The following SH3BP4 variants were observed in gnomAD, a reference collection of about 807,000 sequenced individuals.
The protein encoded by SH3BP4 is SH3 domain binding protein 4, also known as SH3 domain-binding protein 4.
Under a neutral mutation model 65.5 loss-of-function variants are expected in SH3BP4, and 33 were observed. The observed-to-expected ratio is 0.50, with a 90% CI of 0.38 to 0.67. SH3BP4 has a LOEUF of 0.67. Among genes scored for constraint, SH3BP4 ranks in the 30% least tolerant of loss-of-function variants. The probability of loss-of-function intolerance (pLI) is 0.00; values close to 1 mark genes in which losing one functional copy is unlikely to be tolerated. For synonymous variants in SH3BP4, 552 were observed against 545.5 expected (o/e 1.01, Z -0.17); for missense variants, 1,134 against 1,261.4 (o/e 0.90, Z 1.53).
intron 1 of SH3BP4, among the ~76,000 whole-genome samples, chr2:234,989,430 TG>T (rs1693681080): frequency 6.6e-6 from 1 of 152,236 alleles, no homozygotes; most frequent in Admixed American, 6.5e-5. Context: ...GCTGGTCTCT[TG>T]GCAAACACTC....
In SH3BP4 at chr2:234,991,772, GTCCACTGAATCCA is replaced by G. The variant is rs1265339190; in HGVS notation, c.-206-3523_-206-3511del. Among the ~76,000 whole-genome samples the G allele has an allele frequency of 1.3e-5, 2 of 152,110 alleles. No individual in the cohort carries two copies. The highest frequency in any genetic ancestry group is 2.4e-5 in the African/African-American group (1 of 41,378). ...GAAGTGGAAAGGGGCCAGCGGTCTT[GTCCACTGAATCCA>G]TCCACTGGGACCTCCCGGACATGAC... On this transcript the variant is annotated intron_variant, in intron 1 of 5. Coordinates refer to ENST00000392011, the MANE Select transcript of SH3BP4 (RefSeq NM_014521.3). The surrounding 1 kb of genome is among the most constrained non-coding windows in gnomAD (Gnocchi z 4.2).
At chr2:234,957,156 G>A (rs1245160802) in intron 1 of SH3BP4, among the ~76,000 whole-genome samples, 1 of 152,060 alleles carries the variant, frequency 6.6e-6, no homozygotes, top group East Asian at 1.9e-4. Flanking sequence ...GAGTAGCTGG[G>A]ACAACAGGCA....
At position 235,033,989 on chromosome 2, in the gene SH3BP4, G is replaced by C. The variant is rs1446290559; in HGVS notation, c.-132-882G>C. ...AGCTCTAAGTACTGTGGCCAGCTGT[G>C]AAAGTGTCTGCCAGTTTCTCTTGGA... On this transcript the variant is annotated intron_variant, in intron 2 of 5. Transcript: ENST00000392011. This position sits in a 1 kb window ranked among gnomAD's most constrained non-coding sequence, Gnocchi z 5.7. Among the ~76,000 whole-genome samples, 1 of 152,142 alleles carries C rather than the reference G, an allele frequency of 6.6e-6. No homozygotes were observed. The highest frequency in any genetic ancestry group is 1.5e-5 in the Non-Finnish European group (1 of 68,020).
In SH3BP4 at chr2:234,976,033, T is replaced by C. The variant is rs552841065; in HGVS notation, c.-206-19270T>C. 6.6e-6 allele frequency among the ~76,000 whole-genome samples: 1 copy of C among 152,264 alleles called. No homozygotes were observed. The highest frequency in any genetic ancestry group is 1.5e-5 in the Non-Finnish European group (1 of 68,032). ...CTCGTCAGCCCCATAGAAACTGAGC[T>C]CTCCAAATTGAACGAGGACCCCAGA... On this transcript the variant is annotated intron_variant, in intron 1 of 5. Coordinates refer to ENST00000392011, the MANE Select transcript of SH3BP4 (RefSeq NM_014521.3). The surrounding 1 kb of genome is among the most constrained non-coding windows in gnomAD (Gnocchi z 4.7).
rs943539099 is a variant in SH3BP4 at position 235,026,853 on chromosome 2, C to T, written c.-132-8018C>T. Among the ~76,000 whole-genome samples, 4 of 152,120 alleles carry T rather than the reference C, an allele frequency of 2.6e-5. No individual in the cohort carries two copies. Among genetic ancestry groups the T allele is most frequent in the South Asian group, 4.2e-4 (2 of 4,818 alleles). ...GAGTCTGATCGGCTGGCGTGCCTGT[C>T]GGTGGCTGCCCATGCCTTCCGATGG... is the stretch of plus-strand genomic sequence containing the variant. On this transcript the variant is annotated intron_variant, in intron 2 of 5. Coordinates refer to ENST00000392011, the MANE Select transcript of SH3BP4 (RefSeq NM_014521.3). This position sits in a 1 kb window ranked among gnomAD's most constrained non-coding sequence, Gnocchi z 4.6.
rs1318839654 is a variant in SH3BP4 at position 234,997,673 on chromosome 2, G to A, written c.-133+2297G>A. Among the ~76,000 whole-genome samples, 2 of 152,190 alleles carry A rather than the reference G, an allele frequency of 1.3e-5. No homozygotes were observed. Among genetic ancestry groups the A allele is most frequent in the African/African-American group, 4.8e-5 (2 of 41,442 alleles). On this transcript the variant is annotated intron_variant, in intron 2 of 5. Transcript: ENST00000392011. The surrounding 1 kb of genome is among the most constrained non-coding windows in gnomAD (Gnocchi z 4.2). Reference sequence around the variant, plus strand: ...CCACTGTCCCACTGATGGCTGGGAAGGGTGAGCTCCAGCCCCCGGTGGCTT... The same window carrying A: ...CCACTGTCCCACTGATGGCTGGGAAAGGTGAGCTCCAGCCCCCGGTGGCTT...
At chr2:235,001,184 C>T (rs1263449012) in intron 2 of SH3BP4, among the ~76,000 whole-genome samples, 1 of 152,222 alleles carries the variant, frequency 6.6e-6, no homozygotes, top group Admixed American at 6.5e-5. Flanking sequence ...TTATCAGTAA[C>T]AGAACAGATG....
rs995197698 is a variant in SH3BP4, at chr2:235,017,045, CTTTTTTT to C, written c.-132-17808_-132-17802del. Among the ~76,000 whole-genome samples, 16 of 88,440 alleles carry C rather than the reference CTTTTTTT, an allele frequency of 1.8e-4. No individual in the cohort carries two copies. The South Asian group carries it at 2.0e-3, about 11-fold the overall frequency. The allele number at this position is 88,440 out of a possible 152,430, so 58.0% of individuals were successfully genotyped here. On this transcript the variant is annotated intron_variant, in intron 2 of 5. Coordinates refer to ENST00000392011, the MANE Select transcript of SH3BP4 (RefSeq NM_014521.3). ...CGGCAGCGAGTTTCTGTTTGCCTTT[CTTTTTTT>C]TTTTTTTTTTTTTTTTTGGTATATA...
At chr2:235,039,053 C>G (rs1024050399) in intron 3 of SH3BP4, among the ~76,000 whole-genome samples, 1 of 152,146 alleles carries the variant, frequency 6.6e-6, no homozygotes, top group South Asian at 2.1e-4. Flanking sequence ...TGAGGAAATA[C>G]ACTTTTTGTC....
At position 234,991,280 on chromosome 2, in the gene SH3BP4, C is replaced by T. The variant is rs1693740284; in HGVS notation, c.-206-4023C>T. Among the ~76,000 whole-genome samples the T allele has an allele frequency of 6.6e-6, 1 of 152,210 alleles. No individual in the cohort carries two copies. The highest frequency in any genetic ancestry group is 2.4e-5 in the African/African-American group (1 of 41,454). Reference sequence around the variant, plus strand: ...GCCTCATATCATTTATCCACTCACCCTCCCAGACCCTCTGAGGTGGGATCA... The same window carrying T: ...GCCTCATATCATTTATCCACTCACCTTCCCAGACCCTCTGAGGTGGGATCA... On this transcript the variant is annotated intron_variant, in intron 1 of 5. Transcript: ENST00000392011. The surrounding 1 kb of genome is among the most constrained non-coding windows in gnomAD (Gnocchi z 4.2).
chr2:234,962,672 A>G (rs1056050499), intron 1 of SH3BP4, among the ~76,000 whole-genome samples: 1 of 152,116 alleles, frequency 6.6e-6, no homozygotes, highest in African/African-American at 2.4e-5. Context: ...AAACAGGCTG[A>G]GACAGTGAGT....
Position 235,004,983 on chromosome 2 carries a change from A to G in SH3BP4, c.-133+9607A>G, listed in dbSNP as rs548406274. Reference sequence around the variant, plus strand: ...AATCTCCCAGGAGGTAGGGCTTGGTATGTTGTTGAACTCACTGTTGGCATG... The same window carrying G: ...AATCTCCCAGGAGGTAGGGCTTGGTGTGTTGTTGAACTCACTGTTGGCATG... On this transcript the variant is annotated intron_variant, in intron 2 of 5. Transcript: ENST00000392011. Among the ~76,000 whole-genome samples the G allele has an allele frequency of 3.3e-5, 5 of 152,234 alleles. No homozygotes were observed. In the South Asian group the frequency reaches 8.3e-4, roughly 25 times the overall value.
At chr2:235,006,161 C>A (rs1320657869) in intron 2 of SH3BP4, among the ~76,000 whole-genome samples, 2 of 152,174 alleles carry the variant, frequency 1.3e-5, no homozygotes, top group Non-Finnish European at 2.9e-5. Context: ...GCTTTTACGA[C>A]CTAGCGAGCA....
rs1559228162 is a variant in SH3BP4, at chr2:234,974,063, C to CT, written c.-206-21239dup. Among the ~76,000 whole-genome samples, 1 of 152,028 alleles carries CT rather than the reference C, an allele frequency of 6.6e-6. No homozygotes were observed. Among genetic ancestry groups the CT allele is most frequent in the African/African-American group, 2.4e-5 (1 of 41,418 alleles). Reference sequence around the variant, plus strand: ...CAGCTCCTCACTGGCTCTGGGAAAACTCATTTAGCGATTTGTGAAGGACCT... The same window carrying CT: ...CAGCTCCTCACTGGCTCTGGGAAAACTTCATTTAGCGATTTGTGAAGGACCT... On this transcript the variant is annotated intron_variant, in intron 1 of 5. Coordinates refer to ENST00000392011, the MANE Select transcript of SH3BP4 (RefSeq NM_014521.3). The surrounding 1 kb of genome is among the most constrained non-coding windows in gnomAD (Gnocchi z 4.6).
At chr2:235,002,064 T>C (rs1694117732) in intron 2 of SH3BP4, among the ~76,000 whole-genome samples, 1 of 152,140 alleles carries the variant, frequency 6.6e-6, no homozygotes, top group Non-Finnish European at 1.5e-5. Flanking sequence ...TTTCACCACG[T>C]TGGCCAGGCT....
intron 1 of SH3BP4, among the ~76,000 whole-genome samples, chr2:234,985,079 G>A (rs1327119390): frequency 6.6e-6 from 1 of 152,196 alleles, no homozygotes; most frequent in Admixed American, 6.5e-5. Flanking sequence ...CATCCTGCAG[G>A]CTGACCCGGG....
chr2:234,956,437 C>G (rs979161730), intron 1 of SH3BP4, among the ~76,000 whole-genome samples: 1 of 152,174 alleles, frequency 6.6e-6, no homozygotes, highest in South Asian at 2.1e-4. Flanking sequence ...CAGGGGAGCT[C>G]TCTTTGCTGA....
At chr2:235,012,190 G>A (rs903799332) in intron 2 of SH3BP4, among the ~76,000 whole-genome samples, 34 of 152,186 alleles carry the variant, frequency 2.2e-4, no homozygotes, top group Non-Finnish European at 1.0e-4. Flanking sequence ...CAGCCCAGAG[G>A]AGACACAAGA....
chr2:235,042,662 C>CG lies in SH3BP4; in HGVS notation c.1896dup (p.Lys633GlufsTer28), dbSNP rs749424261. 2 of 1,614,152 alleles carry CG rather than the reference C, an allele frequency of 1.2e-6. No individual in the cohort carries two copies. Among genetic ancestry groups the CG allele is most frequent in the Middle Eastern group, 1.6e-4 (1 of 6,062 alleles). Reference sequence around the variant, plus strand: ...GGAGGTTTCTCAAGAAGAACGAAGTCGGGAAAATCATCCTGTCCCCGTTTG... The same window carrying CG: ...GGAGGTTTCTCAAGAAGAACGAAGTCGGGGAAAATCATCCTGTCCCCGTTTG... On this transcript the variant is annotated frameshift_variant, in exon 4 of 6. Transcript: ENST00000392011. LOFTEE classifies it high-confidence loss of function. The surrounding 1 kb of genome is among the most constrained non-coding windows in gnomAD (Gnocchi z 7.3).
Sources: allele counts gnomAD v4.1 joint callset (sites outside exome capture counted in the v4.1 genomes callset), GRCh38; gene constraint gnomAD v4.1.1; non-coding constraint Gnocchi (gnomAD v3.1); transcripts MANE v1.5; gene names NCBI Gene and HGNC (gene_info 2026-07-23, HGNC 2026-07-21).